The following CDC42BPB variants were observed in gnomAD, a reference collection of about 807,000 sequenced individuals.
CDC42BPB encodes the protein CDC42 binding protein kinase beta.
A neutral mutation model predicts 214.9 loss-of-function variants in CDC42BPB; 37 were observed. The ratio of observed to expected loss-of-function variants is 0.17; its 90% CI spans 0.13 to 0.23. The LOEUF (loss-of-function observed/expected upper bound fraction) is 0.23. Ranked by LOEUF, CDC42BPB falls within the 10% of genes least tolerant of loss-of-function variation. The probability of loss-of-function intolerance (pLI) is 1.00; values close to 1 mark genes in which losing one functional copy is unlikely to be tolerated. For synonymous variants in CDC42BPB, 931 were observed against 884.0 expected, an observed-to-expected ratio of 1.05 and a Z score of -0.94; for missense variants, 1,694 against 2,227.0, an observed-to-expected ratio of 0.76 and a Z score of 4.82.
At chr14:103,049,540 G>A (rs1160499479) in intron 1 of CDC42BPB, among the ~76,000 whole-genome samples, 1 of 152,260 alleles carries the variant, frequency 6.6e-6, no homozygotes, top group African/African-American at 2.4e-5. Flanking sequence ...GTGGTAGTCT[G>A]TGGGAAGTTG....
At chr14:102,963,323 G>C (rs552621921) in intron 19 of CDC42BPB, 168 bp from the exon 20 acceptor site, 2 of 976,692 alleles carry the variant, frequency 2.0e-6, no homozygotes, top group Non-Finnish European at 2.4e-6. Context: ...TGAACAGTAC[G>C]AATATTTCAA....
chr14:102,993,253 T>C (rs905465627), intron 5 of CDC42BPB, among the ~76,000 whole-genome samples: 2 of 141,820 alleles, frequency 1.4e-5, no homozygotes, highest in East Asian at 1.9e-4. Flanking sequence ...TCATACGTTA[T>C]ATATACTACG....
rs1456324459 is a variant in CDC42BPB, at chr14:103,057,401, C to A, written c.-228G>T. 1.2e-6 allele frequency: 1 copy of A among 825,818 alleles called. No homozygotes were observed. Among genetic ancestry groups the A allele is most frequent in the African/African-American group, 1.9e-5 (1 of 53,542 alleles). 51.2% of individuals were successfully genotyped at this position (825,818 alleles called of 1,614,324 possible). The stretch of plus-strand genomic sequence containing the variant: ...CCGCGGGTCCATGGGCCGCTCTCCT[C>A]CCCTCGGCGCCGCCGCCCTCCCAGC... On this transcript the variant is annotated 5_prime_UTR_variant, in exon 1 of 37. Coordinates refer to ENST00000361246, the MANE Select transcript of CDC42BPB (RefSeq NM_006035.4).
rs532083420 is a variant in CDC42BPB at position 103,057,477 on chromosome 14, C to CCCGCCGCCG, written c.-313_-305dup. On this transcript the variant is annotated 5_prime_UTR_variant, in exon 1 of 37. Coordinates refer to ENST00000361246, the MANE Select transcript of CDC42BPB (RefSeq NM_006035.4). Reference sequence around the variant, plus strand: ...CAGCCCCGCCCGCGGCCGCGCCCTCCCCGCCGCCGCCGCCGCAGACTAGGA... The same window carrying CCCGCCGCCG: ...CAGCCCCGCCCGCGGCCGCGCCCTCCCCGCCGCCGCCGCCGCCGCCGCCGCAGACTAGGA... 4.7e-6 allele frequency: 1 copy of CCCGCCGCCG among 211,674 alleles called. No homozygotes were observed. The highest frequency in any genetic ancestry group is 8.0e-6 in the Non-Finnish European group (1 of 124,942). 13.1% of individuals were successfully genotyped at this position (211,674 alleles called of 1,614,324 possible).
chr14:102,945,869 T>C (rs1465588361), intron 28 of CDC42BPB, 145 bp from the exon 29 acceptor site: 2 of 681,244 alleles, frequency 2.9e-6, no homozygotes, highest in Non-Finnish European at 5.2e-6. Flanking sequence ...GACACTTCAG[T>C]ATCGGGGGTG....
intron 12 of CDC42BPB, among the ~76,000 whole-genome samples, chr14:102,972,928 G>C (rs910271258): frequency 2.6e-5 from 4 of 152,174 alleles, no homozygotes; most frequent in African/African-American, 4.8e-5. Flanking sequence ...TGAAGTCACA[G>C]TGAAGAACTG....
chr14:102,935,864 G>C (rs1169308541), intron 36 of CDC42BPB, among the ~76,000 whole-genome samples: 1 of 151,658 alleles, frequency 6.6e-6, no homozygotes, highest in African/African-American at 2.4e-5. Flanking sequence ...TCTCACAAGA[G>C]CCTGGTACTC....
At chr14:103,017,424 A>G (rs1013514567) in intron 1 of CDC42BPB, among the ~76,000 whole-genome samples, 3 of 152,224 alleles carry the variant, frequency 2.0e-5, no homozygotes, top group African/African-American at 7.2e-5. Context: ...GTTTCAAAGT[A>G]CATCCAAACA....
In CDC42BPB at chr14:103,025,806, C is replaced by CAA. The variant is rs1192104898; in HGVS notation, c.176-13620_176-13619dup. 4.8e-3 allele frequency among the ~76,000 whole-genome samples: 375 copies of CAA among 78,914 alleles called. 1 individual carries two copies. Among genetic ancestry groups the CAA allele is most frequent in the African/African-American group, 0.017 (354 of 20,894 alleles). The allele number at this position is 78,914 out of a possible 152,430, so 51.8% of individuals were successfully genotyped here. A position where few individuals can be genotyped will look rare whatever the true frequency, so the allele number is the denominator to read the frequency against. ...TGGGTGACAGAGCGAGACTCTGTCTCAAAAAAAAAAAAAAAGGATGAACTC... is the reference window on the plus strand; with the variant it reads ...TGGGTGACAGAGCGAGACTCTGTCTCAAAAAAAAAAAAAAAAAGGATGAACTC... On this transcript the variant is annotated intron_variant, in intron 1 of 36. Coordinates refer to ENST00000361246, the MANE Select transcript of CDC42BPB (RefSeq NM_006035.4).
In CDC42BPB at chr14:102,944,719, C is replaced by T. The variant is rs1254394896; in HGVS notation, c.3812-232G>A. 19 of 967,818 alleles carry T rather than the reference C, an allele frequency of 2.0e-5. No individual in the cohort carries two copies. The highest frequency in any genetic ancestry group is 2.3e-5 in the Non-Finnish European group (19 of 814,066). 60.0% of individuals were successfully genotyped at this position (967,818 alleles called of 1,614,324 possible). A position where few individuals can be genotyped will look rare whatever the true frequency, so the allele number is the denominator to read the frequency against. On this transcript the variant is annotated intron_variant, in intron 29 of 36. Transcript: ENST00000361246. The surrounding 1 kb of genome is among the most constrained non-coding windows in gnomAD (Gnocchi z 6.6). ...CCACAGCGCGCTCCTGGGGCAGCCT[C>T]GGGGGCTGGTCCAAAGGCTCCTCTG...
At chr14:102,982,914 A>G (rs1894069072) in intron 7 of CDC42BPB, among the ~76,000 whole-genome samples, 1 of 152,228 alleles carries the variant, frequency 6.6e-6, no homozygotes, top group South Asian at 2.1e-4. Flanking sequence ...AAAATTTTTA[A>G]AAAGAAATAA....
intron 1 of CDC42BPB, among the ~76,000 whole-genome samples, chr14:103,042,901 G>A (rs1888088311): frequency 1.3e-5 from 2 of 152,090 alleles, no homozygotes; most frequent in Non-Finnish European, 2.9e-5. Flanking sequence ...GCCTTCACAC[G>A]ACCCAGCAAT....
Position 102,949,894 on chromosome 14 carries a change from G to A in CDC42BPB, c.3320C>T (p.Pro1107Leu). The change falls in exon 26 of 37, where the codon CCC (proline) becomes CTC (leucine). Residue 1107 changes from proline to leucine, a missense_variant. By Grantham distance (98) the Pro-to-Leu change is moderately conservative. Around this residue, in one of 7 missense-constraint regions of CDC42BPB, gnomAD observed 567 missense variants for 790.3 expected, o/e 0.72. Transcript: ENST00000361246. Reference sequence around the variant, plus strand: ...CTGCCATCCCTTCTTCACCCCCGTGGGCTTTGGGACCTATGAATAAAAACA... The same window carrying A: ...CTGCCATCCCTTCTTCACCCCCGTGAGCTTTGGGACCTATGAATAAAAACA... ...AYKGHVKVPKPTGVKKGWQRA... is the reference protein window; with the variant it reads ...AYKGHVKVPKLTGVKKGWQRA... 6.2e-7 allele frequency: 1 copy of A among 1,613,466 alleles called. No homozygotes were observed. The highest frequency in any genetic ancestry group is 8.5e-7 in the Non-Finnish European group (1 of 1,179,972).
At chr14:103,013,695 G>A (rs1027022441) in intron 1 of CDC42BPB, among the ~76,000 whole-genome samples, 5 of 152,326 alleles carry the variant, frequency 3.3e-5, no homozygotes, top group African/African-American at 9.6e-5. Context: ...TGATGCGGCC[G>A]CACACAAGGA....
chr14:103,039,108 C>T lies in CDC42BPB; in HGVS notation c.175+17891G>A, dbSNP rs79241361. Among the ~76,000 whole-genome samples the T allele has an allele frequency of 7.6e-3, 1,160 of 151,994 alleles. 24 individuals carry two copies. The highest frequency in any genetic ancestry group is 0.026 in the African/African-American group (1,098 of 41,458). On this transcript the variant is annotated intron_variant, in intron 1 of 36. Transcript: ENST00000361246. ...AGAGAAAATGTTAATAGATCTACAA[C>T]AGGCACAAAGATTGAACTAGTAATC...
chr14:102,996,816 A>AG (rs1208823222), intron 5 of CDC42BPB, among the ~76,000 whole-genome samples: 1 of 151,836 alleles, frequency 6.6e-6, no homozygotes, highest in African/African-American at 2.4e-5. Flanking sequence ...CCATCTCAAA[A>AG]AAAAAAAAAA....
At chr14:102,987,992 TACACACACAAAC>T (rs1353259181) in intron 5 of CDC42BPB, among the ~76,000 whole-genome samples, 1 of 150,378 alleles carries the variant, frequency 6.6e-6, no homozygotes, top group African/African-American at 2.4e-5. Flanking sequence ...AAAACACACG[TACACACACAAAC>T]ACACACGCAC....
rs566328109 is a variant in CDC42BPB, at chr14:102,957,701, G to C, written c.2901+1930C>G. On this transcript the variant is annotated intron_variant, in intron 21 of 36. Transcript: ENST00000361246. ...TCCAGAGTGGCTGTGAGCAATGCAA[G>C]CCTGCTTGGGTGTTGTAATGACAGA... Among the ~76,000 whole-genome samples, 14 of 152,346 alleles carry C rather than the reference G, an allele frequency of 9.2e-5. No homozygotes were observed. In the South Asian group the frequency reaches 2.9e-3, roughly 32 times the overall value.
At chr14:102,934,620 ACT>A (rs1891556673) in intron 36 of CDC42BPB, among the ~76,000 whole-genome samples, 1 of 152,184 alleles carries the variant, frequency 6.6e-6, no homozygotes, top group South Asian at 2.1e-4. Flanking sequence ...CAAACGCGAC[ACT>A]CTTTCCTGAG....
Sources: gnomAD v4.1 joint callset for allele counts (sites outside exome capture counted in the v4.1 genomes callset) on GRCh38, gnomAD v4.1.1 for gene constraint, gnomAD v4.1.1 regional missense constraint, Gnocchi (gnomAD v3.1) non-coding constraint, MANE v1.5 for transcripts, NCBI Gene and HGNC (gene_info 2026-07-23, HGNC 2026-07-21) for gene names.